Variants in TNRC18 observed in about 807,000 individuals in gnomAD.
TNRC18 encodes the protein trinucleotide repeat-containing gene 18 protein.
A neutral mutation model predicts 226.7 loss-of-function variants in TNRC18; 69 were observed. That is an observed-to-expected ratio of 0.30 (90% CI 0.25 to 0.37). The LOEUF (loss-of-function observed/expected upper bound fraction) is 0.37, where lower values mean the gene tolerates loss of function less well. Ranked by LOEUF, TNRC18 falls within the 10% of genes least tolerant of loss-of-function variation. TNRC18 has a pLI of 1.00. For synonymous variants in TNRC18, 2,449 were observed against 1,927.6 expected (o/e 1.27, Z -7.09); for missense variants, 4,754 against 4,256.6 (o/e 1.12, Z -3.25).
chr7:5,361,889 A>C lies in TNRC18; in HGVS notation c.4532+8T>G, dbSNP rs1793093714. 3 of 1,549,530 alleles carry C rather than the reference A, an allele frequency of 1.9e-6. No homozygotes were observed. In the African/African-American group the frequency reaches 4.1e-5, roughly 21 times the overall value. Reference sequence around the variant, plus strand: ...GGGCCCCACGGGGCGGGCGGGGGACACACTCACTCGGAGTCCCGGCGGCGC... The same window carrying C: ...GGGCCCCACGGGGCGGGCGGGGGACCCACTCACTCGGAGTCCCGGCGGCGC... On this transcript the variant is annotated splice_region_variant and intron_variant, in intron 13 of 29. Transcript: ENST00000430969.
chr7:5,376,337 G>A (rs1794675099), intron 8 of TNRC18, 113 bp from the exon 9 acceptor site: 10 of 980,320 alleles, frequency 1.0e-5, no homozygotes, highest in Non-Finnish European at 4.3e-6. Flanking sequence ...TGGGGAGCTG[G>A]GCTCTCTGCG....
At chr7:5,393,153 G>C (rs1780420752) in intron 3 of TNRC18, among the ~76,000 whole-genome samples, 1 of 152,226 alleles carries the variant, frequency 6.6e-6, no homozygotes, top group Non-Finnish European at 1.5e-5. Flanking sequence ...AAAAGTCTCA[G>C]GGACAGAGAG....
At chr7:5,422,229 C>T (rs975607286) in intron 1 of TNRC18, among the ~76,000 whole-genome samples, 3 of 152,148 alleles carry the variant, frequency 2.0e-5, no homozygotes, top group African/African-American at 7.2e-5. Flanking sequence ...AACGCCCTGG[C>T]CTGAGCTCCT....
At position 5,332,692 on chromosome 7, in the gene TNRC18, C is replaced by A; in HGVS notation, c.6077G>T (p.Cys2026Phe). 1 of 1,530,976 alleles carries A rather than the reference C, an allele frequency of 6.5e-7. No individual in the cohort carries two copies. Among genetic ancestry groups the A allele is most frequent in the Non-Finnish European group, 8.8e-7 (1 of 1,142,074 alleles). The allele number at this position is 1,530,976 out of a possible 1,614,324, so 94.8% of individuals were successfully genotyped here. Residue 2026 changes from cysteine (C) to phenylalanine (F), a missense_variant, in exon 19 of 30, where the codon TGC becomes TTC. Coordinates refer to ENST00000430969, the MANE Select transcript of TNRC18 (RefSeq NM_001080495.3). The stretch of plus-strand genomic sequence containing the variant: ...CGGGCTCAGGGGGCCGCCCTTGGCG[C>A]AGCGGCTGGTCTTGGTGGCGGGCGC... ...STAPATKTSR[C>F]AKGGPLSPRK...
intron 5 of TNRC18, among the ~76,000 whole-genome samples, chr7:5,379,592 G>A (rs992152891): frequency 5.9e-5 from 9 of 152,264 alleles, no homozygotes; most frequent in African/African-American, 1.4e-4. Flanking sequence ...AGGGAGCGGC[G>A]GAGTGGCAGG....
chr7:5,406,159 C>G (rs1039730463), intron 2 of TNRC18, among the ~76,000 whole-genome samples: 5 of 152,136 alleles, frequency 3.3e-5, no homozygotes, highest in Non-Finnish European at 7.3e-5. Context: ...GTGAAATAAG[C>G]CAGACATAAA....
At chr7:5,316,969 G>A (rs1194359803) in intron 24 of TNRC18, among the ~76,000 whole-genome samples, 1 of 152,118 alleles carries the variant, frequency 6.6e-6, no homozygotes, top group Admixed American at 6.5e-5. Flanking sequence ...TCACCCTAGA[G>A]AGAGGCTCCA....
At chr7:5,403,412 G>C (rs982695683) in intron 2 of TNRC18, among the ~76,000 whole-genome samples, 1 of 152,032 alleles carries the variant, frequency 6.6e-6, no homozygotes, top group African/African-American at 2.4e-5. Flanking sequence ...CGCCCGCCTC[G>C]GTCTCCCAAA....
Position 5,374,395 on chromosome 7 carries a change from C to T in TNRC18, c.2889G>A (p.Leu963=). 2.6e-6 allele frequency: 4 copies of T among 1,522,176 alleles called. No individual in the cohort carries two copies. The highest frequency in any genetic ancestry group is 1.8e-6 in the Non-Finnish European group (2 of 1,135,634). The allele number at this position is 1,522,176 out of a possible 1,614,324, so 94.3% of individuals were successfully genotyped here. The change falls in exon 10 of 30, where the codon CTG becomes CTA. Residue 963 remains leucine (L), a synonymous_variant. Coordinates refer to ENST00000430969, the MANE Select transcript of TNRC18 (RefSeq NM_001080495.3). The part of the protein sequence containing the change: ...RGLEAAGKAG[L]ATAGPGLLPR... Reference sequence around the variant, plus strand: ...GCAGCAGCCCGGGGCCGGCGGTGGCCAGGCCAGCCTTGCCCGCAGCCTCCA... The same window carrying T: ...GCAGCAGCCCGGGGCCGGCGGTGGCTAGGCCAGCCTTGCCCGCAGCCTCCA...
chr7:5,350,571 T>A (rs1326611088), intron 17 of TNRC18, among the ~76,000 whole-genome samples: 1 of 152,098 alleles, frequency 6.6e-6, no homozygotes, highest in Non-Finnish European at 1.5e-5. Flanking sequence ...GGGGATCCCC[T>A]CAGCTGGCCC....
At chr7:5,347,811 C>G (rs574432261) in intron 17 of TNRC18, among the ~76,000 whole-genome samples, 1 of 151,872 alleles carries the variant, frequency 6.6e-6, no homozygotes. Flanking sequence ...AAAAATTAAC[C>G]GGGTGCAGTG....
intron 27 of TNRC18, among the ~76,000 whole-genome samples, chr7:5,310,081 T>C (rs1438933473): frequency 6.6e-6 from 1 of 152,104 alleles, no homozygotes; most frequent in Admixed American, 6.6e-5. Context: ...ATTTTTATTT[T>C]TGTAGAGATG....
intron 18 of TNRC18, 44 bp downstream of exon 18, chr7:5,345,518 C>CGGGGGG: frequency 6.0e-6 from 1 of 167,666 alleles, no homozygotes. Flanking sequence ...ATGGCGTCCG[C>CGGGGGG]CCCTCCCACC....
rs753994428 is a variant in TNRC18 at position 5,387,958 on chromosome 7, C to T, written c.1866G>A (p.Glu622=). 2 of 1,597,668 alleles carry T rather than the reference C, an allele frequency of 1.3e-6. No homozygotes were observed. The highest frequency in any genetic ancestry group is 1.3e-5 in the African/African-American group (1 of 74,778). The change falls in exon 5 of 30, where the codon GAG becomes GAA. Residue 622 remains glutamate, a synonymous_variant. Transcript: ENST00000430969. The part of the protein sequence containing the change: ...PFGGLGTMKP[E]PAPTSAGASR... ...AGGCACCCGCAGAGGTGGGCGCAGG[C>T]TCGGGTTTCATGGTGCCCAAACCTC... is the stretch of plus-strand genomic sequence containing the variant.
chr7:5,420,412 T>TC (rs1226706781), intron 2 of TNRC18: 2 of 455,802 alleles, frequency 4.4e-6, no homozygotes, highest in Admixed American at 4.7e-5. Flanking sequence ...AAACAAGGGG[T>TC]CCCCGAGGGC....
chr7:5,405,994 C>T (rs1461146390), intron 2 of TNRC18, among the ~76,000 whole-genome samples: 1 of 152,190 alleles, frequency 6.6e-6, no homozygotes, highest in Non-Finnish European at 1.5e-5. Flanking sequence ...CTATTCACAA[C>T]AGTCAAAGGG....
At chr7:5,408,777 G>A (rs1340683205) in intron 2 of TNRC18, among the ~76,000 whole-genome samples, 2 of 152,188 alleles carry the variant, frequency 1.3e-5, no homozygotes, top group African/African-American at 4.8e-5. Context: ...AGCAATTCTG[G>A]AGACTGAATC....
chr7:5,408,169 C>T (rs550029755), intron 2 of TNRC18, among the ~76,000 whole-genome samples: 73 of 152,024 alleles, frequency 4.8e-4, no homozygotes, highest in African/African-American at 1.7e-3. Flanking sequence ...CGTGGTGGCG[C>T]GCGCCTCTAG....
Position 5,309,688 on chromosome 7 carries a change from G to A in TNRC18, c.8389-320C>T, listed in dbSNP as rs1349709214. 2.0e-5 allele frequency among the ~76,000 whole-genome samples: 3 copies of A among 152,058 alleles called. No individual in the cohort carries two copies. The highest frequency in any genetic ancestry group is 4.4e-5 in the Non-Finnish European group (3 of 68,014). On this transcript the variant is annotated intron_variant, in intron 27 of 29. Transcript: ENST00000430969. The surrounding 1 kb of genome is among the most constrained non-coding windows in gnomAD (Gnocchi z 5.7). ...CGCCATCATGACTCACTGCAGCCAC[G>A]AACTCCTAGACTCAAGAAATCCTCT...
Sources: gnomAD v4.1 joint callset for allele counts (sites outside exome capture counted in the v4.1 genomes callset) on GRCh38, gnomAD v4.1.1 for gene constraint, Gnocchi (gnomAD v3.1) non-coding constraint, MANE v1.5 for transcripts, NCBI Gene and HGNC (gene_info 2026-07-23, HGNC 2026-07-21) for gene names.